Variants in DCDC1 observed in about 807,000 individuals in gnomAD.
DCDC1 encodes doublecortin domain-containing protein 1.
In DCDC1, 200 loss-of-function variants were observed where a neutral mutation model predicts 178.3. That is an observed-to-expected ratio of 1.12 (90% CI 1.00 to 1.26). DCDC1 has a LOEUF of 1.26. DCDC1 is among the 50% of genes most tolerant of loss of function. The pLI is 0.00. For synonymous variants in DCDC1, 690 were observed against 604.8 expected (o/e 1.14, Z -2.07); for missense variants, 1,983 against 1,749.2 (o/e 1.13, Z -2.38).
rs1467473249 is a variant in DCDC1, at chr11:30,911,559, C to T, written c.3654-139G>A. 1.2e-5 allele frequency: 8 copies of T among 694,596 alleles called. No homozygotes were observed. The African/African-American group carries it at 1.2e-4, about 11-fold the overall frequency. 43.0% of individuals were successfully genotyped at this position (694,596 alleles called of 1,614,324 possible). On this transcript the variant is annotated intron_variant, in intron 27 of 38. Transcript: ENST00000684477. ...ATGTGAATCCTTTAAGAATTTCTCC[C>T]CTACAGTAAGTGTGATGTTAAGCTT...
intron 22 of DCDC1, among the ~76,000 whole-genome samples, chr11:30,929,665 C>A (rs951689184): frequency 6.6e-6 from 1 of 151,984 alleles, no homozygotes; most frequent in African/African-American, 2.4e-5. Flanking sequence ...ATATTGAAAT[C>A]ATCTAAAATA....
chr11:31,225,889 C>T (rs1030331361), intron 9 of DCDC1, among the ~76,000 whole-genome samples: 1 of 151,832 alleles, frequency 6.6e-6, no homozygotes, highest in African/African-American at 2.4e-5. Flanking sequence ...AAGTACATTC[C>T]TATTCCATAT....
intron 3 of DCDC1, among the ~76,000 whole-genome samples, chr11:31,321,317 C>T (rs1342916617): frequency 1.7e-5 from 2 of 117,040 alleles, no homozygotes; most frequent in African/African-American, 3.3e-5. Context: ...ATTCCGTGGG[C>T]GTAGGACCCT....
chr11:31,198,027 G>C (rs938804464), intron 9 of DCDC1, among the ~76,000 whole-genome samples: 2 of 152,018 alleles, frequency 1.3e-5, no homozygotes, highest in Admixed American at 1.3e-4. Flanking sequence ...CAATGTGTAT[G>C]TGTATTTTAT....
intron 10 of DCDC1, among the ~76,000 whole-genome samples, chr11:31,128,825 T>C: frequency 6.6e-6 from 1 of 152,202 alleles, no homozygotes; most frequent in East Asian, 1.9e-4. Flanking sequence ...ATTTTTATAG[T>C]GTTTCCTTTT....
At chr11:30,988,250 G>T (rs928818983) in intron 20 of DCDC1, among the ~76,000 whole-genome samples, 1 of 152,174 alleles carries the variant, frequency 6.6e-6, no homozygotes, top group African/African-American at 2.4e-5. Flanking sequence ...GGATGATGGT[G>T]CCTGAGAGTA....
chr11:30,952,980 A>G (rs1040056787), intron 20 of DCDC1, among the ~76,000 whole-genome samples: 2 of 152,040 alleles, frequency 1.3e-5, no homozygotes, highest in African/African-American at 4.8e-5. Flanking sequence ...GCAAAGTACC[A>G]GATAAATTTT....
At chr11:31,248,047 T>C (rs922085157) in intron 8 of DCDC1, among the ~76,000 whole-genome samples, 4 of 152,116 alleles carry the variant, frequency 2.6e-5, no homozygotes, top group Non-Finnish European at 5.9e-5. Context: ...TGACATGGTA[T>C]TGTAAACTTT....
At chr11:31,147,548 T>A (rs1964576406) in intron 9 of DCDC1, among the ~76,000 whole-genome samples, 1 of 152,220 alleles carries the variant, frequency 6.6e-6, no homozygotes. Flanking sequence ...TTACCCTGGT[T>A]ATATTAACCA....
Position 31,077,761 on chromosome 11 carries a change from T to G in DCDC1, c.2298+104A>C, listed in dbSNP as rs1956952438. On this transcript the variant is annotated intron_variant, in intron 18 of 38. Coordinates refer to ENST00000684477, the MANE Select transcript of DCDC1 (RefSeq NM_001387274.1). ...TCTAGGTACAGAGTGAAGTCATATA[T>G]GCAGAAAAAGCATTTCTTGCTCTAA... 4.8e-6 allele frequency: 3 copies of G among 627,596 alleles called. No individual in the cohort carries two copies. In the South Asian group the frequency reaches 5.7e-5, roughly 12 times the overall value. The allele number at this position is 627,596 out of a possible 1,614,324, so 38.9% of individuals were successfully genotyped here.
intron 10 of DCDC1, among the ~76,000 whole-genome samples, chr11:31,131,188 C>CAAAAAAAAAAAAAAAAAAAA (rs565349028): frequency 4.6e-5 from 1 of 21,558 alleles, no homozygotes; most frequent in African/African-American, 1.1e-4. Flanking sequence ...GACTCCGTCT[C>CAAAAAAAAAAAAAAAAAAAA]AAAAAAAAAA....
chr11:31,362,211 C>T (rs1951743028), intron 1 of DCDC1, among the ~76,000 whole-genome samples: 1 of 152,036 alleles, frequency 6.6e-6, no homozygotes, highest in Non-Finnish European at 1.5e-5. Context: ...TATGGAATAA[C>T]CTTTCCTTTT....
Position 31,300,708 on chromosome 11 carries a change from G to A in DCDC1, c.754+4907C>T, listed in dbSNP as rs572254193. ...AAGAATAACTATAGAATATATAAAT[G>A]AATTCTCAGGTAAAGTAACAAGCAG... On this transcript the variant is annotated intron_variant, in intron 6 of 38. Coordinates refer to ENST00000684477, the MANE Select transcript of DCDC1 (RefSeq NM_001387274.1). Among the ~76,000 whole-genome samples the A allele has an allele frequency of 5.9e-5, 9 of 152,100 alleles. No individual in the cohort carries two copies. In the South Asian group the frequency reaches 1.9e-3, roughly 32 times the overall value.
chr11:30,882,004 T>A (rs972444971), intron 36 of DCDC1: 1 of 153,642 alleles, frequency 6.5e-6, no homozygotes. Flanking sequence ...GACAAAATAA[T>A]AAAAGCAAGC....
intron 20 of DCDC1, among the ~76,000 whole-genome samples, chr11:31,036,412 G>A (rs1423759440): frequency 6.6e-6 from 1 of 152,022 alleles, no homozygotes; most frequent in Non-Finnish European, 1.5e-5. Flanking sequence ...ATCATCATCA[G>A]TATCATTTTG....
At chr11:31,024,027 G>A (rs1953065576) in intron 20 of DCDC1, among the ~76,000 whole-genome samples, 1 of 151,946 alleles carries the variant, frequency 6.6e-6, no homozygotes, top group African/African-American at 2.4e-5. Context: ...TGAAAAATGA[G>A]TAAAGTCCTA....
intron 19 of DCDC1, 114 bp downstream of exon 19, chr11:31,064,905 A>AAG (rs1355907811): frequency 1.7e-6 from 1 of 585,654 alleles, no homozygotes; most frequent in Non-Finnish European, 3.0e-6. Context: ...ACTATCCATA[A>AAG]CATTAAGTTG....
intron 9 of DCDC1, among the ~76,000 whole-genome samples, chr11:31,146,044 A>T (rs1964411919): frequency 6.6e-6 from 1 of 152,014 alleles, no homozygotes. Context: ...TGAATGTCTA[A>T]ATCAGTTTAA....
chr11:31,351,864 C>T (rs1314195487), intron 1 of DCDC1, among the ~76,000 whole-genome samples: 1 of 152,094 alleles, frequency 6.6e-6, no homozygotes, highest in Admixed American at 6.6e-5. Flanking sequence ...TTTCTCCACT[C>T]CCCTAATTTA....
Sources: gnomAD v4.1 joint callset for allele counts (sites outside exome capture counted in the v4.1 genomes callset) on GRCh38, gnomAD v4.1.1 for gene constraint, MANE v1.5 for transcripts, NCBI Gene and HGNC (gene_info 2026-07-23, HGNC 2026-07-21) for gene names.